PER2: variants seen among roughly 807,000 people sequenced by gnomAD.
PER2 encodes period circadian regulator 2.
PER2 carries 66 observed loss-of-function variants against 121.0 expected under a neutral mutation model. That is an observed-to-expected ratio of 0.55 (90% confidence interval 0.45 to 0.67). The LOEUF (loss-of-function observed/expected upper bound fraction) is 0.67, where lower values mean the gene tolerates loss of function less well. PER2 is among the 30% of genes least tolerant of loss of function. PER2 has a pLI of 0.00. For synonymous variants in PER2, 684 were observed against 659.9 expected (o/e 1.04, Z -0.56); for missense variants, 1,521 against 1,635.0 (o/e 0.93, Z 1.20).
intron 13 of PER2, 142 bp downstream of exon 13, chr2:238,260,686 T>C (rs951688175): frequency 2.2e-6 from 2 of 892,540 alleles, no homozygotes; most frequent in Non-Finnish European, 3.6e-6. Flanking sequence ...AAGTCCCAAG[T>C]GGACAAAGTT....
intron 8 of PER2, among the ~76,000 whole-genome samples, 162 bp downstream of exon 8, chr2:238,267,894 A>G (rs1328242384): frequency 2.0e-5 from 3 of 152,156 alleles, no homozygotes; most frequent in Non-Finnish European, 4.4e-5. Context: ...GGGTGTGCTG[A>G]GTCTCCAGAA....
chr2:238,290,155 C>T (rs892500825), upstream of PER2: 2 of 152,248 alleles, frequency 1.3e-5, no homozygotes, highest in African/African-American at 4.8e-5. Context: ...CAGATGCAAA[C>T]CAGGGCAAAT....
intron 8 of PER2, among the ~76,000 whole-genome samples, chr2:238,266,307 A>G (rs971095724): frequency 1.3e-5 from 2 of 150,294 alleles, no homozygotes; most frequent in African/African-American, 4.9e-5. Context: ...TTTTTTAATG[A>G]GACAGGGTCT....
At chr2:238,291,093 G>A (rs898252422), upstream of PER2, among the ~76,000 whole-genome samples, 3 of 152,256 alleles carry the variant, frequency 2.0e-5, no homozygotes, top group Non-Finnish European at 2.9e-5. Context: ...TTGGATAGGG[G>A]AATTGCTGTT....
In PER2 at chr2:238,268,790, C is replaced by T; in HGVS notation, c.824+133G>A. 1 of 721,952 alleles carries T rather than the reference C, an allele frequency of 1.4e-6. No individual in the cohort carries two copies. 44.7% of individuals were successfully genotyped at this position (721,952 alleles called of 1,614,324 possible). ...TTTAAAATGTAACTGACTGTGTTTTCTGGTAGACTTCAGAAACAGGCGTGC... is the reference window on the plus strand; with the variant it reads ...TTTAAAATGTAACTGACTGTGTTTTTTGGTAGACTTCAGAAACAGGCGTGC... On this transcript the variant is annotated intron_variant, in intron 7 of 22. Coordinates refer to ENST00000254657, the MANE Select transcript of PER2 (RefSeq NM_022817.3). The surrounding 1 kb of genome is among the most constrained non-coding windows in gnomAD (Gnocchi z 4.0).
chr2:238,262,489 C>T, intron 10 of PER2, 145 bp from the exon 11 acceptor site: 1 of 745,242 alleles, frequency 1.3e-6, no homozygotes, highest in Non-Finnish European at 2.2e-6. Flanking sequence ...CTGCTTTCAA[C>T]CTCCTGTTTT....
chr2:238,275,769 G>A lies in PER2; in HGVS notation c.422C>T (p.Ala141Val). The A allele has an allele frequency of 6.2e-7, 1 of 1,614,216 alleles. No homozygotes were observed. Reference protein sequence around the residue: ...KASTLATLKYALRSVKQVKAN... With the variant: ...KASTLATLKYVLRSVKQVKAN... ...TTTCACCTGCTTCACGCTCCTGAGG[G>A]CGTACTTCAAGGTGGCCAGCGTACT... Residue 141 changes from alanine (A) to valine (V), a missense_variant, in exon 4 of 23, where the codon GCC becomes GTC. Coordinates refer to ENST00000254657, the MANE Select transcript of PER2 (RefSeq NM_022817.3).
chr2:238,257,775 G>C (rs890235529), intron 16 of PER2, among the ~76,000 whole-genome samples: 1 of 152,198 alleles, frequency 6.6e-6, no homozygotes, highest in African/African-American at 2.4e-5. Context: ...CGCCCAGCCG[G>C]GGTACCATTT....
At chr2:238,299,255 C>T in the PER2 span, 1 of 144,626 alleles carries the variant, frequency 6.9e-6, no homozygotes, top group Non-Finnish European at 1.5e-5. Context: ...AATCAGACCT[C>T]GAGGCTGGGC....
intron 4 of PER2, among the ~76,000 whole-genome samples, 179 bp from the exon 5 acceptor site, chr2:238,273,370 A>T (rs2106320065): frequency 6.6e-6 from 1 of 152,356 alleles, no homozygotes; most frequent in South Asian, 2.1e-4. Context: ...CACAGACAGA[A>T]ATCGGGATAT....
At chr2:238,282,048 C>G (rs1418751384) in intron 1 of PER2, among the ~76,000 whole-genome samples, 1 of 152,206 alleles carries the variant, frequency 6.6e-6, no homozygotes, top group Non-Finnish European at 1.5e-5. Flanking sequence ...CTAGAGCGAT[C>G]CTGGTGAAGG....
At chr2:238,259,076 C>A (rs1695848098) in intron 14 of PER2, among the ~76,000 whole-genome samples, 2 of 152,182 alleles carry the variant, frequency 1.3e-5, no homozygotes, top group African/African-American at 4.8e-5. Flanking sequence ...GCTGCAGATT[C>A]GACTCTTGCC....
chr2:238,275,961 G>A (rs1406765317), intron 3 of PER2, 64 bp from the exon 4 acceptor site: 16 of 1,560,518 alleles, frequency 1.0e-5, no homozygotes, highest in East Asian at 4.5e-5. Context: ...CTGAAGAAAC[G>A]TGCCTCTTGC....
At position 238,259,957 on chromosome 2, in the gene PER2, T is replaced by A. The variant is rs762651349; in HGVS notation, c.1627+12A>T. 23 of 1,153,994 alleles carry A rather than the reference T, an allele frequency of 2.0e-5. No individual in the cohort carries two copies. Among genetic ancestry groups the A allele is most frequent in the South Asian group, 1.8e-4 (14 of 76,876 alleles). 71.5% of individuals were successfully genotyped at this position (1,153,994 alleles called of 1,614,324 possible). A position where few individuals can be genotyped will look rare whatever the true frequency, so the allele number is the denominator to read the frequency against. On this transcript the variant is annotated intron_variant, in intron 14 of 22. Transcript: ENST00000254657. ...GTTTCAGTAAGGAAATGTTGAATATTTTTTTTTTTACCTGTAACGGATTTT... is the reference window on the plus strand; with the variant it reads ...GTTTCAGTAAGGAAATGTTGAATATATTTTTTTTTACCTGTAACGGATTTT...
chr2:238,256,783 C>T (rs917929847), intron 17 of PER2, 139 bp downstream of exon 17: 15 of 914,296 alleles, frequency 1.6e-5, no homozygotes, highest in Middle Eastern at 2.5e-4. Context: ...CTGCATTTTA[C>T]GTAACTGGAT....
chr2:238,262,399 G>C, intron 10 of PER2, 55 bp from the exon 11 acceptor site: 2 of 1,570,030 alleles, frequency 1.3e-6, no homozygotes, highest in Non-Finnish European at 1.8e-6. Context: ...AGGATTTATA[G>C]TAGAGAGAGA....
intron 1 of PER2, 100 bp from the exon 2 acceptor site, chr2:238,278,055 T>C: frequency 1.1e-5 from 13 of 1,231,102 alleles, no homozygotes; most frequent in Non-Finnish European, 1.4e-5. Flanking sequence ...CTGTTACTAA[T>C]GAAACTGCAG....
intron 18 of PER2, chr2:238,254,692 G>A (rs1282880576): frequency 6.6e-6 from 1 of 152,382 alleles, no homozygotes; most frequent in African/African-American, 2.4e-5. Flanking sequence ...GGGCAAGCAA[G>A]AGCGGGAACT....
rs1695426790 is a variant in PER2 at position 238,245,653 on chromosome 2, T to C, written c.*722A>G. ...AGGAGACAAGAATAATGCAGAAATA[T>C]ACAGAGGGTCTGTCTGCGTGTGCAT... On this transcript the variant is annotated 3_prime_UTR_variant, in exon 23 of 23. Transcript: ENST00000254657. 1 of 398,624 alleles carries C rather than the reference T, an allele frequency of 2.5e-6. No homozygotes were observed. 24.7% of individuals were successfully genotyped at this position (398,624 alleles called of 1,614,324 possible). A position where few individuals can be genotyped will look rare whatever the true frequency, so the allele number is the denominator to read the frequency against.
Sources: gnomAD v4.1 joint callset for allele counts (sites outside exome capture counted in the v4.1 genomes callset) on GRCh38, gnomAD v4.1.1 for gene constraint, Gnocchi (gnomAD v3.1) non-coding constraint, MANE v1.5 for transcripts, NCBI Gene and HGNC (gene_info 2026-07-23, HGNC 2026-07-21) for gene names.